The following GRIK2 variants were observed in gnomAD, a reference collection of about 807,000 sequenced individuals.
The protein encoded by GRIK2 is glutamate receptor ionotropic, kainate 2.
Under a neutral mutation model 100.3 loss-of-function variants are expected in GRIK2, and 32 were observed. The ratio of observed to expected loss-of-function variants is 0.32; its 90% CI spans 0.24 to 0.43. The LOEUF is 0.43. Among genes scored for constraint, GRIK2 ranks in the 20% least tolerant of loss-of-function variants. GRIK2 has a pLI of 1.00. For synonymous variants in GRIK2, 417 were observed against 389.4 expected (o/e 1.07, Z -0.83); for missense variants, 843 against 1,114.9 (o/e 0.76, Z 3.47).
At chr6:102,042,215 A>G (rs1770623605) in intron 15 of GRIK2, among the ~76,000 whole-genome samples, 1 of 151,622 alleles carries the variant, frequency 6.6e-6, no homozygotes, top group Non-Finnish European at 1.5e-5. Context: ...TTTAGTAAAC[A>G]ATCTTTTTAG....
At chr6:102,055,262 T>A in intron 15 of GRIK2, 68 bp from the exon 16 acceptor site, 1 of 1,269,578 alleles carries the variant, frequency 7.9e-7, no homozygotes, top group East Asian at 2.3e-5. Context: ...CCTCCTCTCA[T>A]CTTGCTAACC....
intron 2 of GRIK2, among the ~76,000 whole-genome samples, chr6:101,546,884 G>T (rs912409988): frequency 1.7e-5 from 2 of 120,476 alleles, no homozygotes; most frequent in African/African-American, 6.4e-5. Flanking sequence ...AGGCTGGAGT[G>T]CAGTGGCGGG....
At chr6:102,050,281 G>C (rs902941556) in intron 15 of GRIK2, among the ~76,000 whole-genome samples, 2 of 151,884 alleles carry the variant, frequency 1.3e-5, no homozygotes, top group African/African-American at 4.8e-5. Context: ...AAAGGGGGAA[G>C]GGAAAGAATG....
chr6:101,950,710 G>GT (rs962661757), intron 14 of GRIK2, among the ~76,000 whole-genome samples: 2 of 151,700 alleles, frequency 1.3e-5, no homozygotes, highest in Non-Finnish European at 2.9e-5. Context: ...TTTTCTTTAT[G>GT]TTTTTTTATT....
At position 101,470,469 on chromosome 6, in the gene GRIK2, A is replaced by C. The variant is rs1433317754; in HGVS notation, c.115+71077A>C. ...GAATCAGTAAGTTTGTTGCCAAAGCAGATCTCCAAATGAGAAGCGAAATGC... is the reference window on the plus strand; with the variant it reads ...GAATCAGTAAGTTTGTTGCCAAAGCCGATCTCCAAATGAGAAGCGAAATGC... On this transcript the variant is annotated intron_variant, in intron 2 of 16. Transcript: ENST00000369134. Among the ~76,000 whole-genome samples the C allele has an allele frequency of 2.0e-5, 3 of 152,198 alleles. No homozygotes were observed. In the East Asian group the frequency reaches 5.8e-4, roughly 29 times the overall value.
chr6:101,506,787 A>G (rs1774046356), intron 2 of GRIK2, among the ~76,000 whole-genome samples: 1 of 152,132 alleles, frequency 6.6e-6, no homozygotes, highest in Non-Finnish European at 1.5e-5. Flanking sequence ...TTGGGTAAAG[A>G]TTTGAGGGAA....
intron 7 of GRIK2, among the ~76,000 whole-genome samples, chr6:101,709,045 A>C (rs1773527301): frequency 6.6e-6 from 1 of 151,852 alleles, no homozygotes; most frequent in African/African-American, 2.4e-5. Context: ...TTAAAAATAA[A>C]TATTAACGAT....
chr6:101,610,039 C>T (rs1779603159), intron 2 of GRIK2, among the ~76,000 whole-genome samples: 1 of 151,430 alleles, frequency 6.6e-6, no homozygotes, highest in Non-Finnish European at 1.5e-5. Context: ...AGAAACTTTG[C>T]CAGAAAATAT....
In GRIK2 at chr6:101,578,835, A is replaced by G. The variant is rs1466386838; in HGVS notation, c.116-43114A>G. On this transcript the variant is annotated intron_variant, in intron 2 of 16. Coordinates refer to ENST00000369134, the MANE Select transcript of GRIK2 (RefSeq NM_021956.5). ...AGTGAACATTTATTGAATATCTACTATACATCCAGCAACATATAAATTCCA... is the reference window on the plus strand; with the variant it reads ...AGTGAACATTTATTGAATATCTACTGTACATCCAGCAACATATAAATTCCA... 5.3e-5 allele frequency among the ~76,000 whole-genome samples: 8 copies of G among 152,302 alleles called. No individual in the cohort carries two copies. The South Asian group carries it at 1.0e-3, about 20-fold the overall frequency.
intron 14 of GRIK2, among the ~76,000 whole-genome samples, chr6:101,964,924 C>T (rs1731772696): frequency 6.6e-6 from 1 of 152,002 alleles, no homozygotes; most frequent in South Asian, 2.1e-4. Flanking sequence ...TACATAAGGG[C>T]ATAGGGTGTA....
intron 12 of GRIK2, among the ~76,000 whole-genome samples, chr6:101,898,631 G>T (rs1787637933): frequency 6.6e-6 from 1 of 150,908 alleles, no homozygotes; most frequent in Admixed American, 6.6e-5. Flanking sequence ...CTAGTCTCTG[G>T]AAATGCTAAC....
intron 2 of GRIK2, among the ~76,000 whole-genome samples, chr6:101,568,364 A>T (rs1362872295): frequency 1.3e-5 from 2 of 152,032 alleles, no homozygotes; most frequent in Non-Finnish European, 2.9e-5. Flanking sequence ...AAATGCAATT[A>T]TCTAATTGGA....
rs557967260 is a variant in GRIK2, at chr6:101,989,370, G to A, written c.2086-45971G>A. Among the ~76,000 whole-genome samples, 107 of 151,730 alleles carry A rather than the reference G, an allele frequency of 7.1e-4. 1 individual carries two copies. The highest frequency in any genetic ancestry group is 3.3e-3 in the East Asian group (17 of 5,140). On this transcript the variant is annotated intron_variant, in intron 14 of 16. Coordinates refer to ENST00000369134, the MANE Select transcript of GRIK2 (RefSeq NM_021956.5). ...TTTTAAGATTCTTACTGTACGAAAG[G>A]TATTTATTAATTAAGTTAGAGTCTT... is the stretch of plus-strand genomic sequence containing the variant.
intron 12 of GRIK2, among the ~76,000 whole-genome samples, chr6:101,907,230 T>C (rs937779144): frequency 6.6e-6 from 1 of 151,310 alleles, no homozygotes; most frequent in African/African-American, 2.4e-5. Flanking sequence ...AACTTTTAAA[T>C]AGACCAAATT....
At chr6:101,487,678 GCCCCT>G (rs1307460090) in intron 2 of GRIK2, among the ~76,000 whole-genome samples, 1 of 146,480 alleles carries the variant, frequency 6.8e-6, no homozygotes, top group Admixed American at 6.8e-5. Context: ...ACACATGGTA[GCCCCT>G]CTTGTTTTTA....
At chr6:101,427,893 A>G (rs1041402691) in intron 2 of GRIK2, among the ~76,000 whole-genome samples, 3 of 152,154 alleles carry the variant, frequency 2.0e-5, no homozygotes, top group Admixed American at 6.6e-5. Flanking sequence ...GTGATGTAAA[A>G]TTTCTGGGAT....
intron 4 of GRIK2, among the ~76,000 whole-genome samples, chr6:101,631,025 G>A (rs895107510): frequency 7.9e-5 from 12 of 152,060 alleles, no homozygotes; most frequent in Admixed American, 2.0e-4. Context: ...GAAATATAGT[G>A]CTGGAATAGG....
At chr6:101,508,250 A>G (rs1420525537) in intron 2 of GRIK2, among the ~76,000 whole-genome samples, 1 of 152,100 alleles carries the variant, frequency 6.6e-6, no homozygotes, top group Non-Finnish European at 1.5e-5. Flanking sequence ...TTCCCACACT[A>G]CCTGTCAGGT....
At chr6:101,556,607 A>G (rs938302886) in intron 2 of GRIK2, among the ~76,000 whole-genome samples, 4 of 152,126 alleles carry the variant, frequency 2.6e-5, no homozygotes, top group African/African-American at 9.7e-5. Flanking sequence ...AATAGCTGCC[A>G]TTTATTAAGA....
Sources: gnomAD v4.1 joint callset for allele counts (sites outside exome capture counted in the v4.1 genomes callset) on GRCh38, gnomAD v4.1.1 for gene constraint, MANE v1.5 for transcripts, NCBI Gene and HGNC (gene_info 2026-07-23, HGNC 2026-07-21) for gene names.